The following ADGRL2 variants were observed in gnomAD, a reference collection of about 807,000 sequenced individuals.
ADGRL2 encodes calcium-independent alpha-latrotoxin receptor 2.
In ADGRL2, 44 loss-of-function variants were observed where a neutral mutation model predicts 157.4. That is an observed-to-expected ratio of 0.28 (90% CI 0.22 to 0.36). ADGRL2 has a LOEUF of 0.36. Among genes scored for constraint, ADGRL2 ranks in the 10% least tolerant of loss-of-function variants. ADGRL2 has a pLI of 1.00. For synonymous variants in ADGRL2, 585 were observed against 624.7 expected (o/e 0.94, Z 0.95); for missense variants, 1,510 against 1,768.9 (o/e 0.85, Z 2.63).
intron 1 of ADGRL2, among the ~76,000 whole-genome samples, chr1:81,829,717 C>T (rs1423923796): frequency 2.6e-5 from 4 of 152,158 alleles, no homozygotes; most frequent in Admixed American, 6.5e-5. Flanking sequence ...CTTAGTTAAA[C>T]ATATTGCAGA....
At chr1:81,487,805 G>A (rs2078541126) in intron 2 of ADGRL2, among the ~76,000 whole-genome samples, 1 of 152,074 alleles carries the variant, frequency 6.6e-6, no homozygotes, top group African/African-American at 2.4e-5. Flanking sequence ...TTGAAAAATG[G>A]ACTGGCTGAG....
At chr1:81,777,978 A>T (rs1267344003) in intron 2 of ADGRL2, among the ~76,000 whole-genome samples, 1 of 152,148 alleles carries the variant, frequency 6.6e-6, no homozygotes, top group Admixed American at 6.5e-5. Flanking sequence ...CAGATTCATT[A>T]ACATTGCCAT....
At chr1:81,964,792 G>T (rs1381366339) in intron 11 of ADGRL2, among the ~76,000 whole-genome samples, 1 of 151,822 alleles carries the variant, frequency 6.6e-6, no homozygotes, top group Non-Finnish European at 1.5e-5. Context: ...TGTATTTTTT[G>T]AACTTTTTTA....
intron 2 of ADGRL2, among the ~76,000 whole-genome samples, chr1:81,842,626 G>T (rs1203519575): frequency 6.6e-6 from 1 of 151,920 alleles, no homozygotes; most frequent in African/African-American, 2.4e-5. Context: ...AAAGGACTGG[G>T]ATTATATGCA....
At chr1:81,385,707 T>C (rs1397255331) in intron 1 of ADGRL2, among the ~76,000 whole-genome samples, 1 of 151,974 alleles carries the variant, frequency 6.6e-6, no homozygotes, top group African/African-American at 2.4e-5. Context: ...GAATGAACAA[T>C]GCATTGATAA....
At chr1:81,619,093 G>T (rs2081730536) in intron 3 of ADGRL2, among the ~76,000 whole-genome samples, 1 of 152,098 alleles carries the variant, frequency 6.6e-6, no homozygotes, top group Non-Finnish European at 1.5e-5. Context: ...TAAGCAATTT[G>T]GTCTAATCTC....
intron 2 of ADGRL2, among the ~76,000 whole-genome samples, chr1:81,788,793 G>A (rs2087182656): frequency 6.6e-6 from 1 of 151,968 alleles, no homozygotes; most frequent in African/African-American, 2.4e-5. Flanking sequence ...TGGGCTCACT[G>A]CAACCTCTGC....
intron 1 of ADGRL2, among the ~76,000 whole-genome samples, chr1:81,802,521 C>A (rs2088395616): frequency 6.6e-6 from 1 of 152,158 alleles, no homozygotes; most frequent in Non-Finnish European, 1.5e-5. Context: ...AGTCTAGTTG[C>A]CGGGGGCGCT....
rs1001767310 is a variant in ADGRL2 at position 81,836,888 on chromosome 1, T to C, written c.-97T>C. ...GATGGATTTGTTTGTTTTTCAGATA[T>C]GAAGATCAATGATGCAGACTGATGG... On this transcript the variant is annotated 5_prime_UTR_variant, in exon 2 of 24. The change abolishes an upstream ATG in the 5' untranslated region. Coordinates refer to ENST00000686636, the MANE Select transcript of ADGRL2 (RefSeq NM_001366006.2). 2.9e-6 allele frequency: 2 copies of C among 684,178 alleles called. No individual in the cohort carries two copies. Among genetic ancestry groups the C allele is most frequent in the South Asian group, 1.8e-5 (1 of 54,338 alleles). The allele number at this position is 684,178 out of a possible 1,614,324, so 42.4% of individuals were successfully genotyped here.
At chr1:81,619,118 G>A (rs985729947) in intron 3 of ADGRL2, among the ~76,000 whole-genome samples, 11 of 152,152 alleles carry the variant, frequency 7.2e-5, no homozygotes, top group African/African-American at 2.4e-4. Flanking sequence ...GCTGTACCAT[G>A]TCTAAAGAGA....
intron 2 of ADGRL2, among the ~76,000 whole-genome samples, chr1:81,897,887 A>C (rs1044706250): frequency 6.6e-6 from 1 of 152,220 alleles, no homozygotes; most frequent in African/African-American, 2.4e-5. Context: ...CATTCTTCTT[A>C]GAAAAAATTT....
chr1:81,376,302 A>G (rs1009310060), intron 1 of ADGRL2, among the ~76,000 whole-genome samples: 1 of 152,224 alleles, frequency 6.6e-6, no homozygotes, highest in East Asian at 1.9e-4. Context: ...TCCAGAGCTG[A>G]GAAGGGAACA....
chr1:81,713,698 T>A (rs968163614), intron 1 of ADGRL2, among the ~76,000 whole-genome samples: 1 of 152,182 alleles, frequency 6.6e-6, no homozygotes, highest in Non-Finnish European at 1.5e-5. Flanking sequence ...ATTATCCATA[T>A]GCTGCTGATG....
intron 3 of ADGRL2, among the ~76,000 whole-genome samples, chr1:81,655,975 GCTGAATGGGTGAATCT>G (rs1557541609): frequency 6.6e-6 from 1 of 152,142 alleles, no homozygotes; most frequent in Non-Finnish European, 1.5e-5. Context: ...TTTGGGAAAG[GCTGAATGGGTGAATCT>G]CTCCTTCTCA....
intron 2 of ADGRL2, among the ~76,000 whole-genome samples, chr1:81,561,546 A>G (rs980899623): frequency 6.7e-6 from 1 of 149,536 alleles, no homozygotes; most frequent in Non-Finnish European, 1.5e-5. Flanking sequence ...CTGCAACCAC[A>G]ATCTCCCGGG....
chr1:81,306,289 A>T (rs1276791300), exon 1 of ADGRL2: 1 of 152,132 alleles, frequency 6.6e-6, no homozygotes, highest in Non-Finnish European at 1.5e-5. Flanking sequence ...AATCCATGCA[A>T]ATCAGGAGCC....
chr1:81,677,495 G>C (rs575151586), intron 3 of ADGRL2, among the ~76,000 whole-genome samples: 50 of 152,276 alleles, frequency 3.3e-4, no homozygotes, highest in African/African-American at 1.2e-3. Flanking sequence ...TTGGGATGGG[G>C]TGCAACAAAA....
chr1:81,811,716 G>T lies in ADGRL2; in HGVS notation c.-101+10648G>T, dbSNP rs552120836. On this transcript the variant is annotated intron_variant, in intron 1 of 23. Transcript: ENST00000686636. ...TAGATTTTTCATAAATACTCTCCAG[G>T]TGTAAATTTTAGAATTATTCAGAAT... Among the ~76,000 whole-genome samples the T allele has an allele frequency of 1.5e-3, 222 of 151,688 alleles. 1 individual carries two copies. The Middle Eastern group carries it at 0.017, about 12-fold the overall frequency.
intron 1 of ADGRL2, among the ~76,000 whole-genome samples, chr1:81,432,761 A>G (rs946143565): frequency 6.6e-6 from 1 of 152,034 alleles, no homozygotes; most frequent in African/African-American, 2.4e-5. Context: ...AAGGCACTGG[A>G]TTGTATAATC....
Sources: allele counts gnomAD v4.1 joint callset (sites outside exome capture counted in the v4.1 genomes callset), GRCh38; gene constraint gnomAD v4.1.1; transcripts MANE v1.5; gene names NCBI Gene and HGNC (gene_info 2026-07-23, HGNC 2026-07-21).